CHCHD6: variants seen among roughly 807,000 people sequenced by gnomAD.
The protein encoded by CHCHD6 is MICOS complex subunit MIC25.
CHCHD6 carries 28 observed loss-of-function variants against 32.3 expected under a neutral mutation model. The ratio of observed to expected loss-of-function variants is 0.87; its 90% CI spans 0.64 to 1.19. The LOEUF is 1.19. Ranked by LOEUF, CHCHD6 falls within the 50% of genes most tolerant of loss-of-function variation. CHCHD6 has a pLI of 0.00. For missense variants in CHCHD6, 333 were observed against 307.0 expected (o/e 1.08, Z -0.63); for synonymous variants, 122 against 117.5 (o/e 1.04, Z -0.25).
intron 4 of CHCHD6, among the ~76,000 whole-genome samples, chr3:126,739,877 C>G (rs1398155978): frequency 2.0e-5 from 3 of 152,154 alleles, no homozygotes; most frequent in African/African-American, 7.2e-5. Flanking sequence ...TCTCTTGATA[C>G]TGGGTCACAT....
intron 1 of CHCHD6, among the ~76,000 whole-genome samples, chr3:126,706,181 AGTGCCTTTGGGG>A (rs1463778306): frequency 6.6e-6 from 1 of 152,128 alleles, no homozygotes; most frequent in East Asian, 1.9e-4. Context: ...GGTTCAGGGG[AGTGCCTTTGGGG>A]GTGCCTTCTT....
chr3:126,928,435 A>C (rs552590128), intron 6 of CHCHD6, among the ~76,000 whole-genome samples: 121 of 152,078 alleles, frequency 8.0e-4, no homozygotes, highest in Admixed American at 1.3e-3. Context: ...CATGCCTGCC[A>C]GGAGAGCCAA....
intron 4 of CHCHD6, among the ~76,000 whole-genome samples, chr3:126,744,352 T>C (rs992766241): frequency 5.3e-5 from 8 of 152,376 alleles, no homozygotes; most frequent in Admixed American, 2.6e-4. Flanking sequence ...GGAGATGCCA[T>C]TGCTGGCTAC....
chr3:126,710,052 A>G (rs1934679972), intron 1 of CHCHD6, among the ~76,000 whole-genome samples: 1 of 152,208 alleles, frequency 6.6e-6, no homozygotes, highest in African/African-American at 2.4e-5. Flanking sequence ...TGCTTAAGTG[A>G]GTGGTTTTGA....
In CHCHD6 at chr3:126,913,102, C is replaced by T. The variant is rs76249076; in HGVS notation, c.496-1578C>T. On this transcript the variant is annotated intron_variant, in intron 5 of 7. Transcript: ENST00000290913. ...TAAAGTTCCTTCACTGCCACACAAG[C>T]GTGTTTCAGGGACTGACTGATCTGT... Among the ~76,000 whole-genome samples the T allele has an allele frequency of 6.4e-4, 96 of 149,978 alleles. No individual in the cohort carries two copies. In the East Asian group the frequency reaches 0.016, roughly 25 times the overall value.
Position 126,906,333 on chromosome 3 carries a change from G to A in CHCHD6, c.496-8347G>A, listed in dbSNP as rs542827754. On this transcript the variant is annotated intron_variant, in intron 5 of 7. Coordinates refer to ENST00000290913, the MANE Select transcript of CHCHD6 (RefSeq NM_032343.3). ...CCACTTCCACTCTTTCTTCCCAGTC[G>A]ACACCATTACACGGCAGCCAGCAGT... is the stretch of plus-strand genomic sequence containing the variant. Among the ~76,000 whole-genome samples, 7 of 152,290 alleles carry A rather than the reference G, an allele frequency of 4.6e-5. No homozygotes were observed. The East Asian group carries it at 7.7e-4, about 17-fold the overall frequency.
intron 6 of CHCHD6, among the ~76,000 whole-genome samples, chr3:126,937,419 G>T (rs971659974): frequency 1.3e-5 from 2 of 152,148 alleles, no homozygotes; most frequent in African/African-American, 4.8e-5. Context: ...AGCCTGGTAC[G>T]TCTCTCAGGA....
chr3:126,882,928 C>T (rs1442924404), intron 5 of CHCHD6, among the ~76,000 whole-genome samples: 1 of 152,212 alleles, frequency 6.6e-6, no homozygotes, highest in African/African-American at 2.4e-5. Flanking sequence ...CAGGTTGAGG[C>T]TGCTCACTGG....
chr3:126,780,881 G>A (rs1445627364), intron 4 of CHCHD6, among the ~76,000 whole-genome samples: 2 of 152,294 alleles, frequency 1.3e-5, no homozygotes, highest in East Asian at 3.9e-4. Context: ...TTCCACCTGT[G>A]TCTGAGCAGA....
chr3:126,771,747 T>G (rs372703514), intron 4 of CHCHD6, among the ~76,000 whole-genome samples: 8 of 152,244 alleles, frequency 5.3e-5, no homozygotes, highest in African/African-American at 1.9e-4. Context: ...TTGGGGATCT[T>G]TCTAAGTTTT....
At chr3:126,713,492 G>A (rs1045336428) in intron 1 of CHCHD6, among the ~76,000 whole-genome samples, 30 of 152,142 alleles carry the variant, frequency 2.0e-4, no homozygotes, top group African/African-American at 7.2e-4. Flanking sequence ...TTGATCCTGC[G>A]GGACCCTAAG....
rs143050019 is a variant in CHCHD6, at chr3:126,957,434, C to T, written c.585C>T (p.Pro195=). 20 of 1,611,498 alleles carry T rather than the reference C, an allele frequency of 1.2e-5. No homozygotes were observed. Among genetic ancestry groups the T allele is most frequent in the African/African-American group, 6.7e-5 (5 of 74,952 alleles). Residue 195 remains proline, a synonymous_variant, in exon 7 of 8, where the codon CCC becomes CCT. Coordinates refer to ENST00000290913, the MANE Select transcript of CHCHD6 (RefSeq NM_032343.3). ...TCTGCAGGCCCCGCAGGGTGGAGCC[C>T]GTCTGCTCAGGGTTGCAGGCCCAGA... ...ESTIKPRRVE[P]VCSGLQAQIL...
intron 5 of CHCHD6, among the ~76,000 whole-genome samples, chr3:126,855,327 C>T (rs576936883): frequency 6.6e-5 from 10 of 152,266 alleles, no homozygotes; most frequent in East Asian, 5.8e-4. Flanking sequence ...CCTTTCAGCT[C>T]GGTTTCTCCA....
At chr3:126,814,606 G>C (rs1304412072) in intron 4 of CHCHD6, among the ~76,000 whole-genome samples, 1 of 152,206 alleles carries the variant, frequency 6.6e-6, no homozygotes, top group Non-Finnish European at 1.5e-5. Context: ...AGAGCTTCCA[G>C]ATAACCGAAC....
chr3:126,938,941 C>A (rs1559933369), intron 6 of CHCHD6, among the ~76,000 whole-genome samples: 1 of 152,232 alleles, frequency 6.6e-6, no homozygotes, highest in South Asian at 2.1e-4. Flanking sequence ...ATTTGGTACT[C>A]TTTTTCATTC....
intron 5 of CHCHD6, among the ~76,000 whole-genome samples, chr3:126,862,374 CATCACCACCTCCTCCTCCTCT>C (rs1403038723): frequency 1.5e-5 from 2 of 137,394 alleles, no homozygotes; most frequent in African/African-American, 5.8e-5. Context: ...CCTCCACCAC[CATCACCACCTCCTCCTCCTCT>C]ACCATCACCA....
At chr3:126,761,225 A>G (rs1576383238) in intron 4 of CHCHD6, among the ~76,000 whole-genome samples, 1 of 152,224 alleles carries the variant, frequency 6.6e-6, no homozygotes, top group Admixed American at 6.5e-5. Context: ...ACTGTTTTCT[A>G]TAGCAGCTGC....
At chr3:126,886,999 C>T (rs1046232768) in intron 5 of CHCHD6, among the ~76,000 whole-genome samples, 1 of 152,206 alleles carries the variant, frequency 6.6e-6, no homozygotes, top group African/African-American at 2.4e-5. Flanking sequence ...TAGGCTGCTA[C>T]CTAGCACTGG....
chr3:126,889,201 A>C (rs1350454687), intron 5 of CHCHD6, among the ~76,000 whole-genome samples: 1 of 152,136 alleles, frequency 6.6e-6, no homozygotes, highest in Non-Finnish European at 1.5e-5. Context: ...ATCAGAGGTG[A>C]CGTGGAGAGA....
Sources: gnomAD v4.1 joint callset for allele counts (sites outside exome capture counted in the v4.1 genomes callset) on GRCh38, gnomAD v4.1.1 for gene constraint, MANE v1.5 for transcripts, NCBI Gene and HGNC (gene_info 2026-07-23, HGNC 2026-07-21) for gene names.